Variants in LTBP1 observed in about 807,000 individuals in gnomAD.
The protein encoded by LTBP1 is latent-transforming growth factor beta-binding protein 1.
Under a neutral mutation model 207.6 loss-of-function variants are expected in LTBP1, and 129 were observed. The observed-to-expected ratio is 0.62, with a 90% confidence interval of 0.54 to 0.72. LTBP1 has a LOEUF of 0.72. Among genes scored for constraint, LTBP1 ranks in the 30% least tolerant of loss-of-function variants. The pLI is 0.00. For synonymous variants in LTBP1, 963 were observed against 833.7 expected (o/e 1.16, Z -2.67); for missense variants, 2,281 against 2,217.2 (o/e 1.03, Z -0.58).
chr2:33,257,430 C>A lies in LTBP1; in HGVS notation c.2314C>A (p.Pro772Thr), dbSNP rs1420136891. ...ACCTGTTGCTAAAAGTACTCATCCT[C>A]CACCTCTCCCAGCCAAGGAAGAGCC... ...TQPVAKSTHP[P>T]PLPAKEEPVE... The change falls in exon 12 of 34, where the codon CCA becomes ACA. Residue 772 changes from proline to threonine, a missense_variant. Physicochemically the swap from Pro to Thr is conservative, Grantham distance 38 (BLOSUM62 -1). Coordinates refer to ENST00000404816, the MANE Select transcript of LTBP1 (RefSeq NM_206943.4). The A allele has an allele frequency of 6.2e-7, 1 of 1,614,094 alleles. No individual in the cohort carries two copies. The highest frequency in any genetic ancestry group is 8.5e-7 in the Non-Finnish European group (1 of 1,180,034).
chr2:33,353,485 C>T (rs928461995), intron 26 of LTBP1, among the ~76,000 whole-genome samples: 1 of 152,298 alleles, frequency 6.6e-6, no homozygotes, highest in South Asian at 2.1e-4. Flanking sequence ...CTGAGCACGG[C>T]GCCTGATGGA....
chr2:33,328,633 G>A (rs1445806701), intron 24 of LTBP1, among the ~76,000 whole-genome samples: 1 of 152,128 alleles, frequency 6.6e-6, no homozygotes, highest in Non-Finnish European at 1.5e-5. Context: ...GAACAGCATT[G>A]GAGAAACCGC....
At chr2:33,238,615 C>G in intron 9 of LTBP1, among the ~76,000 whole-genome samples, 1 of 152,202 alleles carries the variant, frequency 6.6e-6, no homozygotes, top group East Asian at 1.9e-4. Context: ...GAGACTTGCT[C>G]TGGGTAACAT....
intron 19 of LTBP1, among the ~76,000 whole-genome samples, chr2:33,281,458 T>C (rs2093557645): frequency 6.6e-6 from 1 of 152,208 alleles, no homozygotes; most frequent in African/African-American, 2.4e-5. Context: ...GAAGATTTGC[T>C]GCAAGATGAG....
chr2:33,060,651 C>CTGTG (rs10693285), intron 3 of LTBP1, among the ~76,000 whole-genome samples: 58,293 of 146,514 alleles, frequency 0.4, 13,172 homozygotes, highest in East Asian at 0.61. Flanking sequence ...AAATTCAGAT[C>CTGTG]TGTGTGTGTG....
intron 12 of LTBP1, 63 bp downstream of exon 12, chr2:33,257,574 C>A: frequency 7.4e-7 from 1 of 1,348,816 alleles, no homozygotes; most frequent in South Asian, 1.2e-5. Flanking sequence ...TTTGATTTCC[C>A]TGTTTATAAC....
At chr2:33,343,817 G>C (rs1175798900) in intron 25 of LTBP1, among the ~76,000 whole-genome samples, 1 of 152,140 alleles carries the variant, frequency 6.6e-6, no homozygotes, top group Non-Finnish European at 1.5e-5. Context: ...GTATTTCATT[G>C]TCTGACCAAG....
chr2:33,200,861 A>C (rs1349203663), intron 7 of LTBP1, among the ~76,000 whole-genome samples: 7 of 152,238 alleles, frequency 4.6e-5, no homozygotes, highest in African/African-American at 9.6e-5. Context: ...ATGGAGCCAA[A>C]AGACACATGA....
At chr2:33,355,104 C>T (rs535166716) in intron 26 of LTBP1, among the ~76,000 whole-genome samples, 1 of 152,156 alleles carries the variant, frequency 6.6e-6, no homozygotes, top group African/African-American at 2.4e-5. Flanking sequence ...CTTTGTGTGT[C>T]ACTTTGGATG....
At chr2:33,110,027 C>A (rs1458544332) in intron 3 of LTBP1, among the ~76,000 whole-genome samples, 4 of 152,160 alleles carry the variant, frequency 2.6e-5, no homozygotes, top group Admixed American at 2.6e-4. Flanking sequence ...TCGCTATTTC[C>A]CCCCTTCCCA....
At chr2:33,005,982 C>A (rs1405868028) in intron 2 of LTBP1, among the ~76,000 whole-genome samples, 1 of 152,132 alleles carries the variant, frequency 6.6e-6, no homozygotes, top group Admixed American at 6.5e-5. Flanking sequence ...CGAAGAACCA[C>A]AATGGTCTTT....
chr2:33,270,110 G>A (rs191744030), intron 15 of LTBP1, among the ~76,000 whole-genome samples: 321 of 151,730 alleles, frequency 2.1e-3, no homozygotes, highest in African/African-American at 2.9e-3. Flanking sequence ...TAAGGATGGG[G>A]TTTCACCATG....
chr2:33,343,250 T>A (rs60798871), intron 25 of LTBP1, among the ~76,000 whole-genome samples: 9,711 of 150,658 alleles, frequency 0.064, 702 homozygotes, highest in East Asian at 0.21. Context: ...AATAAAAATT[T>A]TAAAAAAAAA....
intron 26 of LTBP1, among the ~76,000 whole-genome samples, chr2:33,352,602 C>G (rs1399156459): frequency 2.0e-5 from 3 of 152,194 alleles, no homozygotes; most frequent in Non-Finnish European, 2.9e-5. Context: ...GTCAGTCTTT[C>G]AGCATCACTT....
intron 3 of LTBP1, among the ~76,000 whole-genome samples, chr2:33,085,162 G>A (rs1311963103): frequency 1.3e-5 from 2 of 152,080 alleles, no homozygotes; most frequent in Non-Finnish European, 1.5e-5. Flanking sequence ...GAAGCTGGAA[G>A]AGGCAAGGGA....
In LTBP1 at chr2:33,347,588, G is replaced by A. The variant is rs541700087; in HGVS notation, c.4000+78G>A. The A allele has an allele frequency of 3.0e-5, 47 of 1,555,318 alleles. No homozygotes were observed. In the Admixed American group the frequency reaches 4.5e-4, roughly 15 times the overall value. ...GCACCCACACAGCTTTGGGATAAAC[G>A]CTGGGAGTGAGATAAGAAGCAGCCA... On this transcript the variant is annotated intron_variant, in intron 26 of 33. Coordinates refer to ENST00000404816, the MANE Select transcript of LTBP1 (RefSeq NM_206943.4).
chr2:33,170,690 A>G (rs1198529886), intron 5 of LTBP1, among the ~76,000 whole-genome samples: 1 of 152,214 alleles, frequency 6.6e-6, no homozygotes, highest in Non-Finnish European at 1.5e-5. Context: ...AGATCTGAGA[A>G]GGGGCAGACT....
intron 31 of LTBP1, among the ~76,000 whole-genome samples, chr2:33,378,962 A>G (rs1418581996): frequency 6.6e-6 from 1 of 152,232 alleles, no homozygotes; most frequent in African/African-American, 2.4e-5. Context: ...AGCAGAAGCT[A>G]GAAAGTAATT....
At chr2:33,371,005 T>C (rs1261606548) in intron 31 of LTBP1, among the ~76,000 whole-genome samples, 1 of 152,100 alleles carries the variant, frequency 6.6e-6, no homozygotes, top group Non-Finnish European at 1.5e-5. Context: ...GTGCAGGAGG[T>C]AGGAGTGGCT....
Sources: gnomAD v4.1 joint callset for allele counts (sites outside exome capture counted in the v4.1 genomes callset) on GRCh38, gnomAD v4.1.1 for gene constraint, MANE v1.5 for transcripts, NCBI Gene and HGNC (gene_info 2026-07-23, HGNC 2026-07-21) for gene names.